The following DTD1 variants were observed in gnomAD, a reference collection of about 807,000 sequenced individuals.
DTD1 encodes the protein D-aminoacyl-tRNA deacylase 1.
In DTD1, 13 loss-of-function variants were observed where a neutral mutation model predicts 25.6. The ratio of observed to expected loss-of-function variants is 0.51; its 90% CI spans 0.33 to 0.81. The LOEUF (loss-of-function observed/expected upper bound fraction) is 0.81, where lower values mean the gene tolerates loss of function less well. Ranked by LOEUF, DTD1 falls within the 30% of genes least tolerant of loss-of-function variation. DTD1 has a pLI of 0.02. For missense variants in DTD1, 193 were observed against 266.4 expected, an observed-to-expected ratio of 0.72 and a Z score of 1.92; for synonymous variants, 110 against 103.6, an observed-to-expected ratio of 1.06 and a Z score of -0.37.
intron 2 of DTD1, 73 bp downstream of exon 2, chr20:18,593,894 C>A: frequency 8.2e-7 from 1 of 1,217,568 alleles, no homozygotes; most frequent in Non-Finnish European, 1.2e-6. Flanking sequence ...TTCCATAGTA[C>A]TTTGTGCCTG....
At chr20:18,746,384 G>T (rs2061300265) in intron 5 of DTD1, among the ~76,000 whole-genome samples, 1 of 152,152 alleles carries the variant, frequency 6.6e-6, no homozygotes, top group South Asian at 2.1e-4. Context: ...ATGGCTTTTA[G>T]GATCCACAAT....
intron 4 of DTD1, among the ~76,000 whole-genome samples, chr20:18,709,744 C>T (rs1384652370): frequency 6.6e-6 from 1 of 152,182 alleles, no homozygotes; most frequent in Non-Finnish European, 1.5e-5. Flanking sequence ...TATAAAACTT[C>T]TCCTGGGGAA....
chr20:18,662,239 A>T (rs6045547), intron 4 of DTD1, among the ~76,000 whole-genome samples: 126,290 of 152,192 alleles, frequency 0.83, 53,518 homozygotes, highest in Non-Finnish European at 0.93. Flanking sequence ...CTTGTTAGAT[A>T]GGTAAAAATT....
At position 18,756,310 on chromosome 20, in the gene DTD1, A is replaced by G. The variant is rs2061339259; in HGVS notation, c.*20-7050A>G. On this transcript the variant is annotated intron_variant, in intron 5 of 5. Coordinates refer to ENST00000377452, the MANE Select transcript of DTD1 (RefSeq NM_080820.6). ...TTTGTCAATTTTGGCTTTTGTTGCCATTGCTTTTGGTGTTTTAGACATGAA... is the reference window on the plus strand; with the variant it reads ...TTTGTCAATTTTGGCTTTTGTTGCCGTTGCTTTTGGTGTTTTAGACATGAA... Among the ~76,000 whole-genome samples the G allele has an allele frequency of 2.0e-5, 3 of 152,082 alleles. No homozygotes were observed. The South Asian group carries it at 6.2e-4, about 32-fold the overall frequency.
At chr20:18,667,699 C>A (rs373300438) in intron 4 of DTD1, among the ~76,000 whole-genome samples, 3 of 152,194 alleles carry the variant, frequency 2.0e-5, no homozygotes, top group Non-Finnish European at 2.9e-5. Flanking sequence ...GAACTGACCA[C>A]CAGCTTCTGT....
rs78687650 is a variant in DTD1 at position 18,615,970 on chromosome 20, C to T, written c.371-12157C>T. Among the ~76,000 whole-genome samples the T allele has an allele frequency of 5.0e-3, 765 of 152,302 alleles. 7 individuals carry two copies. Among genetic ancestry groups the T allele is most frequent in the South Asian group, 0.039 (186 of 4,824 alleles). ...TTCTGTGGATTTGTTTAATTTTCTACTCTGTTTACTATTTAAAGCATTTTA... is the reference window on the plus strand; with the variant it reads ...TTCTGTGGATTTGTTTAATTTTCTATTCTGTTTACTATTTAAAGCATTTTA... On this transcript the variant is annotated intron_variant, in intron 3 of 5. Transcript: ENST00000377452.
Position 18,746,984 on chromosome 20 carries a change from G to A in DTD1, c.*19+2713G>A, listed in dbSNP as rs190192358. Among the ~76,000 whole-genome samples, 574 of 152,264 alleles carry A rather than the reference G, an allele frequency of 3.8e-3. 4 individuals are homozygous for A. The highest frequency in any genetic ancestry group is 0.013 in the African/African-American group (555 of 41,546). ...TGCATGGGACACTGAAGGGTGCCTCGAAGGGAAGGGACGTCACATAAAACT... is the reference window on the plus strand; with the variant it reads ...TGCATGGGACACTGAAGGGTGCCTCAAAGGGAAGGGACGTCACATAAAACT... On this transcript the variant is annotated intron_variant, in intron 5 of 5. Transcript: ENST00000377452.
intron 4 of DTD1, among the ~76,000 whole-genome samples, chr20:18,682,047 C>T (rs1368890673): frequency 2.0e-5 from 3 of 152,160 alleles, no homozygotes; most frequent in Non-Finnish European, 4.4e-5. Context: ...TGCCCACAGG[C>T]GTTAACAGTA....
intron 4 of DTD1, among the ~76,000 whole-genome samples, chr20:18,681,137 G>C (rs2045992150): frequency 1.3e-5 from 2 of 152,128 alleles, no homozygotes; most frequent in African/African-American, 4.8e-5. Flanking sequence ...CTTTTTATCT[G>C]AGTTAGCCAG....
Position 18,765,592 on chromosome 20 carries a change from G to T in DTD1, c.*2252G>T, listed in dbSNP as rs2061376708. 1 of 152,088 alleles carries T rather than the reference G, an allele frequency of 6.6e-6. No homozygotes were observed. Among genetic ancestry groups the T allele is most frequent in the Non-Finnish European group, 1.5e-5 (1 of 68,014 alleles). 9.4% of individuals were successfully genotyped at this position (152,088 alleles called of 1,614,324 possible). A position where few individuals can be genotyped will look rare whatever the true frequency, so the allele number is the denominator to read the frequency against. On this transcript the variant is annotated 3_prime_UTR_variant, in exon 6 of 6. Coordinates refer to ENST00000377452, the MANE Select transcript of DTD1 (RefSeq NM_080820.6). ...TAAGAGGGTCAGATCTAACCACAGGGCCAGATTATAGAGAAAAATGAAAGC... is the reference window on the plus strand; with the variant it reads ...TAAGAGGGTCAGATCTAACCACAGGTCCAGATTATAGAGAAAAATGAAAGC...
At chr20:18,688,014 A>G (rs890415510) in intron 4 of DTD1, among the ~76,000 whole-genome samples, 1 of 152,220 alleles carries the variant, frequency 6.6e-6, no homozygotes, top group Non-Finnish European at 1.5e-5. Context: ...TTCACCATTC[A>G]TCAAAAGAAC....
chr20:18,658,411 C>T (rs2060898303), intron 4 of DTD1, among the ~76,000 whole-genome samples: 2 of 151,792 alleles, frequency 1.3e-5, no homozygotes, highest in African/African-American at 2.4e-5. Flanking sequence ...CTGCAAGCTC[C>T]GCCTCCCAGG....
intron 3 of DTD1, among the ~76,000 whole-genome samples, chr20:18,614,186 G>A (rs1016590006): frequency 7.9e-5 from 12 of 152,146 alleles, no homozygotes; most frequent in Admixed American, 3.3e-4. Context: ...TCAGAGCAGA[G>A]ATCAGGTTTT....
intron 4 of DTD1, among the ~76,000 whole-genome samples, chr20:18,661,371 CT>C (rs565601536): frequency 0.29 from 34,944 of 119,470 alleles, 3,026 homozygotes; most frequent in Middle Eastern, 0.35. Flanking sequence ...GTCTTCTAGT[CT>C]TTTTTTTTTT....
intron 4 of DTD1, among the ~76,000 whole-genome samples, chr20:18,639,879 C>T (rs1452871610): frequency 1.3e-5 from 2 of 152,034 alleles, no homozygotes; most frequent in Admixed American, 6.6e-5. Context: ...TAATATCCCC[C>T]GGGCAGTGGC....
intron 4 of DTD1, among the ~76,000 whole-genome samples, chr20:18,723,303 A>G (rs1273301475): frequency 6.6e-6 from 1 of 152,204 alleles, no homozygotes; most frequent in African/African-American, 2.4e-5. Flanking sequence ...CCTCTAGCCT[A>G]GAGCCCCTGC....
chr20:18,690,652 T>C (rs1674536884), intron 4 of DTD1, among the ~76,000 whole-genome samples: 1 of 152,148 alleles, frequency 6.6e-6, no homozygotes, highest in African/African-American at 2.4e-5. Flanking sequence ...CAGATGGTTG[T>C]AGGTGTGCAG....
intron 3 of DTD1, among the ~76,000 whole-genome samples, chr20:18,606,520 C>A (rs13041715): frequency 1 from 86,700 of 86,864 alleles, 43,288 homozygotes; most frequent in Middle Eastern, 1. Context: ...AAAGACTTGG[C>A]ACCAACCCAA....
At chr20:18,748,786 A>G (rs2061310463) in intron 5 of DTD1, among the ~76,000 whole-genome samples, 2 of 152,190 alleles carry the variant, frequency 1.3e-5, no homozygotes, top group South Asian at 2.1e-4. Flanking sequence ...TTAATAATGT[A>G]TTTATTTCCT....
Sources: allele counts gnomAD v4.1 joint callset (sites outside exome capture counted in the v4.1 genomes callset), GRCh38; gene constraint gnomAD v4.1.1; transcripts MANE v1.5; gene names NCBI Gene and HGNC (gene_info 2026-07-23, HGNC 2026-07-21).